SLC24A2: variants seen among roughly 807,000 people sequenced by gnomAD.
SLC24A2 encodes solute carrier family 24 member 2.
SLC24A2 carries 36 observed loss-of-function variants against 62.0 expected under a neutral mutation model. The ratio of observed to expected loss-of-function variants is 0.58; its 90% CI spans 0.44 to 0.77. The LOEUF (loss-of-function observed/expected upper bound fraction) is 0.77, where lower values mean the gene tolerates loss of function less well. SLC24A2 is among the 30% of genes least tolerant of loss of function. The probability of loss-of-function intolerance (pLI) is 0.00; values close to 1 mark genes in which losing one functional copy is unlikely to be tolerated. For synonymous variants in SLC24A2, 358 were observed against 294.0 expected (o/e 1.22, Z -2.23); for missense variants, 846 against 817.9 (o/e 1.03, Z -0.42).
chr9:19,873,554 C>CTTTCTTTCTTTCTT, the SLC24A2 span, among the ~76,000 whole-genome samples: 2 of 136,852 alleles, frequency 1.5e-5, no homozygotes, highest in Admixed American at 7.3e-5. Flanking sequence ...TTCTTTCTTT[C>CTTTCTTTCTTTCTT]TCTCTCTCTC....
intron 3 of SLC24A2, among the ~76,000 whole-genome samples, chr9:19,620,538 A>G (rs775840158): frequency 1.3e-5 from 2 of 152,232 alleles, no homozygotes; most frequent in Non-Finnish European, 2.9e-5. Context: ...CTGGTACGTG[A>G]CAAGGAAGAA....
At chr9:19,522,775 C>CATACCTAGGTGATTTCACT (rs1833262664) in intron 9 of SLC24A2, among the ~76,000 whole-genome samples, 1 of 152,202 alleles carries the variant, frequency 6.6e-6, no homozygotes. Flanking sequence ...AATCAATCTG[C>CATACCTAGGTGATTTCACT]ATACCTAGGT....
At chr9:19,927,862 G>GACCAA in the SLC24A2 span, 1 of 152,364 alleles carries the variant, frequency 6.6e-6, no homozygotes, top group African/African-American at 2.4e-5. Context: ...CTCAGTAAGG[G>GACCAA]ACCAAACCAA....
chr9:19,749,649 G>A (rs1278901363), intron 2 of SLC24A2, among the ~76,000 whole-genome samples: 1 of 152,168 alleles, frequency 6.6e-6, no homozygotes, highest in Non-Finnish European at 1.5e-5. Flanking sequence ...AATTTGCATT[G>A]CAGATAAACA....
chr9:19,601,714 T>C (rs1836845889), intron 4 of SLC24A2, among the ~76,000 whole-genome samples: 1 of 152,132 alleles, frequency 6.6e-6, no homozygotes, highest in African/African-American at 2.4e-5. Flanking sequence ...GGGTTGCATA[T>C]ATAGTTTGGA....
the SLC24A2 span, among the ~76,000 whole-genome samples, chr9:20,064,693 T>G: frequency 6.6e-6 from 1 of 152,308 alleles, no homozygotes; most frequent in Admixed American, 6.5e-5. Flanking sequence ...CATTAGGTAT[T>G]TAGATGGGGG....
At chr9:20,307,685 G>C in the SLC24A2 span, among the ~76,000 whole-genome samples, 9 of 152,226 alleles carry the variant, frequency 5.9e-5, no homozygotes, top group Non-Finnish European at 1.2e-4. Flanking sequence ...TAGTTGGCTC[G>C]GCCCCTTTGT....
At chr9:20,025,212 T>C in the SLC24A2 span, among the ~76,000 whole-genome samples, 1 of 152,200 alleles carries the variant, frequency 6.6e-6, no homozygotes, top group Non-Finnish European at 1.5e-5. Flanking sequence ...TAATGAATTG[T>C]GTCCTGCTGT....
chr9:19,716,960 T>A (rs1283916698), intron 2 of SLC24A2, among the ~76,000 whole-genome samples: 2 of 152,218 alleles, frequency 1.3e-5, no homozygotes, highest in Non-Finnish European at 2.9e-5. Flanking sequence ...CAACACACAT[T>A]CATTGGTTCC....
At chr9:20,105,277 T>C in the SLC24A2 span, among the ~76,000 whole-genome samples, 1 of 152,134 alleles carries the variant, frequency 6.6e-6, no homozygotes, top group Non-Finnish European at 1.5e-5. Flanking sequence ...TTGTCAACAT[T>C]AGACAGATCA....
the SLC24A2 span, among the ~76,000 whole-genome samples, chr9:20,219,394 G>A: frequency 6.6e-6 from 1 of 152,150 alleles, no homozygotes; most frequent in East Asian, 1.9e-4. Context: ...AGCAAAGAGT[G>A]AGACCTTCTG....
intron 8 of SLC24A2, among the ~76,000 whole-genome samples, chr9:19,538,273 T>G (rs1214417397): frequency 2.1e-5 from 3 of 142,526 alleles, no homozygotes; most frequent in Admixed American, 7.1e-5. Context: ...GGCATCCCTG[T>G]CTTGTGCCAG....
At chr9:19,525,445 C>T (rs1179550708) in intron 9 of SLC24A2, among the ~76,000 whole-genome samples, 8 of 136,100 alleles carry the variant, frequency 5.9e-5, no homozygotes, top group Non-Finnish European at 1.1e-4. Context: ...ACTCTGCCAC[C>T]CATGCTGGAG....
chr9:19,909,863 C>T, the SLC24A2 span, among the ~76,000 whole-genome samples: 17 of 152,174 alleles, frequency 1.1e-4, no homozygotes, highest in African/African-American at 3.9e-4. Flanking sequence ...CCTCACTATA[C>T]GGAGCACAAC....
the SLC24A2 span, among the ~76,000 whole-genome samples, chr9:20,256,560 G>GGT: frequency 6.6e-6 from 1 of 152,096 alleles, no homozygotes; most frequent in African/African-American, 2.4e-5. Flanking sequence ...CTACCTCTTG[G>GGT]GTAACTGTCC....
chr9:19,740,931 G>T (rs148322757), intron 2 of SLC24A2, among the ~76,000 whole-genome samples: 181 of 151,938 alleles, frequency 1.2e-3, no homozygotes, highest in African/African-American at 4.3e-3. Context: ...CCTCATCATG[G>T]TTTTTACTGG....
chr9:19,608,331 A>G (rs10964236), intron 4 of SLC24A2, among the ~76,000 whole-genome samples: 78,406 of 150,726 alleles, frequency 0.52, 20,597 homozygotes, highest in East Asian at 0.73. Context: ...TTTTTTTTTT[A>G]AATAGAAGCT....
At chr9:19,889,263 G>C in the SLC24A2 span, among the ~76,000 whole-genome samples, 152,321 of 152,322 alleles carry the variant, frequency 1, 76,160 homozygotes, top group Non-Finnish European at 1. Flanking sequence ...AGCCAGTACA[G>C]TGGGTGTGTC....
At chr9:19,662,896 T>C (rs371744770) in intron 2 of SLC24A2, among the ~76,000 whole-genome samples, 16 of 152,228 alleles carry the variant, frequency 1.1e-4, no homozygotes, top group African/African-American at 3.4e-4. Flanking sequence ...GTATGTGTTA[T>C]GTGTATATTC....
Sources: allele counts gnomAD v4.1 joint callset (sites outside exome capture counted in the v4.1 genomes callset), GRCh38; gene constraint gnomAD v4.1.1; transcripts MANE v1.5; gene names NCBI Gene and HGNC (gene_info 2026-07-23, HGNC 2026-07-21).